Variants in MEGF11 observed in about 807,000 individuals in gnomAD.
MEGF11 encodes multiple EGF like domains 11, also known as multiple epidermal growth factor-like domains protein 11.
A neutral mutation model predicts 146.6 loss-of-function variants in MEGF11; 126 were observed. That is an observed-to-expected ratio of 0.86 (90% CI 0.74 to 1.00). The LOEUF is 1.00. Among genes scored for constraint, MEGF11 ranks in the 50% least tolerant of loss-of-function variants. The pLI, the probability that MEGF11 is intolerant of heterozygous loss-of-function variation, is 0.00. For missense variants in MEGF11, 1,509 were observed against 1,521.2 expected, an observed-to-expected ratio of 0.99 and a Z score of 0.13; for synonymous variants, 532 against 583.4, an observed-to-expected ratio of 0.91 and a Z score of 1.27.
chr15:65,913,874 A>G lies in MEGF11; in HGVS notation c.2573T>C (p.Leu858Pro), dbSNP rs1366437164. The change falls in exon 20 of 26, where the codon CTG becomes CCG. Residue 858 changes from leucine to proline, a missense_variant. By Grantham distance (98) the Leu-to-Pro change is moderately conservative. Transcript: ENST00000395614. ...CAGCAGCACCACAATGAGGAATAAC[A>G]GGAGCATGATGCCTGTGACAGCACC... ...SVGAVTGIML[L>P]LFLIVVLLGL... 6.2e-7 allele frequency: 1 copy of G among 1,614,028 alleles called. No individual in the cohort carries two copies. Among genetic ancestry groups the G allele is most frequent in the South Asian group, 1.1e-5 (1 of 91,076 alleles).
At chr15:65,922,286 C>T in intron 15 of MEGF11, 52 bp downstream of exon 15, 8 of 1,583,392 alleles carry the variant, frequency 5.1e-6, no homozygotes, top group Non-Finnish European at 6.9e-6. Context: ...TGCCACTTTC[C>T]TCCCAGAACC....
chr15:66,248,250 T>A (rs2092323240), intron 1 of MEGF11, among the ~76,000 whole-genome samples: 1 of 152,194 alleles, frequency 6.6e-6, no homozygotes, highest in Non-Finnish European at 1.5e-5. Context: ...CATGATGCTG[T>A]TGAACAAACT....
At position 66,141,907 on chromosome 15, in the gene MEGF11, G is replaced by A. The variant is rs181415033; in HGVS notation, c.-8-13496C>T. ...GAGAGACTGGGGATAGGCCTCAAAA[G>A]GGGATAAGCCCTACTCCTCACTCCC... On this transcript the variant is annotated intron_variant, in intron 1 of 25. Transcript: ENST00000395614. 2.5e-3 allele frequency among the ~76,000 whole-genome samples: 376 copies of A among 152,278 alleles called. 1 individual carries two copies. Among genetic ancestry groups the A allele is most frequent in the African/African-American group, 8.9e-3 (371 of 41,540 alleles).
chr15:66,158,334 T>G (rs189481876), intron 1 of MEGF11, among the ~76,000 whole-genome samples: 1 of 152,338 alleles, frequency 6.6e-6, no homozygotes, highest in African/African-American at 2.4e-5. Context: ...GTCAACCATT[T>G]AAAAATTCTC....
At chr15:66,184,715 C>T (rs2090648280) in intron 1 of MEGF11, among the ~76,000 whole-genome samples, 1 of 151,818 alleles carries the variant, frequency 6.6e-6, no homozygotes, top group South Asian at 2.1e-4. Context: ...ACCCCTGCCT[C>T]GCTGACTTTC....
intron 1 of MEGF11, among the ~76,000 whole-genome samples, chr15:66,246,642 CA>C (rs57461790): frequency 0.038 from 5,537 of 144,528 alleles, 319 homozygotes; most frequent in African/African-American, 0.13. Context: ...CCATCTCCAC[CA>C]AAAAAAAAAA....
intron 7 of MEGF11, among the ~76,000 whole-genome samples, chr15:65,978,971 C>A (rs1314503229): frequency 6.6e-6 from 1 of 151,310 alleles, no homozygotes; most frequent in African/African-American, 2.4e-5. Flanking sequence ...AGCTGGGAAA[C>A]CCTGTTTTTA....
chr15:66,070,173 C>T (rs1190482363), intron 5 of MEGF11, among the ~76,000 whole-genome samples: 4 of 152,172 alleles, frequency 2.6e-5, no homozygotes, highest in African/African-American at 9.7e-5. Context: ...TGAGGTTGCC[C>T]CACAGGCAAT....
intron 2 of MEGF11, among the ~76,000 whole-genome samples, chr15:66,127,979 A>G (rs770513607): frequency 1.3e-5 from 2 of 152,102 alleles, no homozygotes; most frequent in Non-Finnish European, 2.9e-5. Flanking sequence ...GCATCCCCCC[A>G]CTTACTGCAC....
intron 5 of MEGF11, among the ~76,000 whole-genome samples, chr15:65,992,450 T>TGTTGG (rs776847440): frequency 7.9e-6 from 1 of 126,554 alleles, no homozygotes; most frequent in African/African-American, 3.1e-5. Flanking sequence ...TGTGTGTGTG[T>TGTTGG]GGGGGGGGGG....
chr15:65,913,699 G>A (rs781582837), intron 20 of MEGF11, 38 bp downstream of exon 20: 1 of 1,536,372 alleles, frequency 6.5e-7, no homozygotes, highest in Non-Finnish European at 8.9e-7. Flanking sequence ...TGTGTGTGTG[G>A]AGGGGAAGAG....
intron 5 of MEGF11, among the ~76,000 whole-genome samples, chr15:66,008,746 C>T (rs1014420886): frequency 2.0e-5 from 3 of 151,918 alleles, no homozygotes; most frequent in African/African-American, 7.3e-5. Flanking sequence ...ACTGTCTGAG[C>T]CCAGGAGTTC....
chr15:65,989,890 A>G (rs995636358), intron 5 of MEGF11, among the ~76,000 whole-genome samples: 4 of 152,230 alleles, frequency 2.6e-5, no homozygotes, highest in African/African-American at 9.6e-5. Flanking sequence ...GGACAATTGT[A>G]CACAATTTAG....
At chr15:66,024,315 C>T (rs552862799) in intron 5 of MEGF11, among the ~76,000 whole-genome samples, 9 of 152,372 alleles carry the variant, frequency 5.9e-5, no homozygotes, top group East Asian at 5.8e-4. Context: ...AGCCCTGGGG[C>T]GCCCGGGGCT....
chr15:66,077,552 G>T (rs1345846947), intron 5 of MEGF11, among the ~76,000 whole-genome samples: 1 of 152,210 alleles, frequency 6.6e-6, no homozygotes, highest in African/African-American at 2.4e-5. Flanking sequence ...AGGAACGAAA[G>T]ACGTGATAAG....
chr15:65,916,875 C>CCGTCCT lies in MEGF11; in HGVS notation c.2162_2167dup (p.Glu721_Asp722dup). ...CCAGCCAGGGGTGCAGTGGCAGGCC[C>CCGTCCT]CGTCCTCGGCGCTGCAGCTCGCCCC... is the stretch of plus-strand genomic sequence containing the variant. On this transcript the variant is annotated inframe_insertion, in exon 17 of 26. Coordinates refer to ENST00000395614, the MANE Select transcript of MEGF11 (RefSeq NM_001385028.1). 3.8e-6 allele frequency: 6 copies of CCGTCCT among 1,591,120 alleles called. 1 individual carries two copies. The South Asian group carries it at 6.8e-5, about 18-fold the overall frequency.
chr15:66,165,286 G>A (rs1371732140), intron 1 of MEGF11, among the ~76,000 whole-genome samples: 1 of 152,092 alleles, frequency 6.6e-6, no homozygotes, highest in Non-Finnish European at 1.5e-5. Flanking sequence ...CAAGCATCAG[G>A]TCTGTCATCT....
intron 5 of MEGF11, among the ~76,000 whole-genome samples, chr15:66,063,290 T>A (rs1053345359): frequency 6.6e-5 from 10 of 152,124 alleles, no homozygotes; most frequent in African/African-American, 2.4e-4. Context: ...ATCTGACTCA[T>A]GTTTTAGAGT....
intron 5 of MEGF11, among the ~76,000 whole-genome samples, chr15:66,023,389 G>C (rs544938939): frequency 3.9e-5 from 6 of 152,320 alleles, no homozygotes; most frequent in Non-Finnish European, 8.8e-5. Flanking sequence ...CCAGTCTGCA[G>C]GAGGCCCAGC....
Sources: gnomAD v4.1 joint callset for allele counts (sites outside exome capture counted in the v4.1 genomes callset) on GRCh38, gnomAD v4.1.1 for gene constraint, MANE v1.5 for transcripts, NCBI Gene and HGNC (gene_info 2026-07-23, HGNC 2026-07-21) for gene names.